Variants in ADGRE5 observed in about 807,000 individuals in gnomAD.
ADGRE5 encodes the protein CD97 molecule.
ADGRE5 carries 72 observed loss-of-function variants against 100.3 expected under a neutral mutation model. The ratio of observed to expected loss-of-function variants is 0.72; its 90% CI spans 0.59 to 0.87. The LOEUF (loss-of-function observed/expected upper bound fraction) is 0.87. Ranked by LOEUF, ADGRE5 falls within the 40% of genes least tolerant of loss-of-function variation. ADGRE5 has a pLI of 0.00. For synonymous variants in ADGRE5, 439 were observed against 447.8 expected, an observed-to-expected ratio of 0.98 and a Z score of 0.25; for missense variants, 959 against 1,094.7, an observed-to-expected ratio of 0.88 and a Z score of 1.75.
intron 1 of ADGRE5, among the ~76,000 whole-genome samples, chr19:14,382,712 T>A: frequency 7.7e-6 from 1 of 129,930 alleles, no homozygotes; most frequent in South Asian, 3.4e-4. Context: ...AAAACAAATT[T>A]TTTTTTTTTT....
intron 3 of ADGRE5, among the ~76,000 whole-genome samples, chr19:14,389,549 A>G (rs1376170006): frequency 2.0e-5 from 3 of 151,214 alleles, no homozygotes; most frequent in African/African-American, 4.9e-5. Context: ...CCTGGCCAAC[A>G]TGGTGAAACC....
intron 9 of ADGRE5, 107 bp downstream of exon 9, chr19:14,398,246 GAC>G: frequency 1.1e-6 from 1 of 949,402 alleles, no homozygotes; most frequent in East Asian, 2.5e-5. Flanking sequence ...TCTAGTCAGA[GAC>G]ACACATGCGC....
intron 12 of ADGRE5, among the ~76,000 whole-genome samples, chr19:14,404,028 C>A (rs1395908148): frequency 1.3e-5 from 2 of 151,994 alleles, no homozygotes; most frequent in Non-Finnish European, 2.9e-5. Context: ...CAGGTGCTTG[C>A]CACCAGGCCC....
intron 3 of ADGRE5, among the ~76,000 whole-genome samples, chr19:14,389,388 G>A (rs1975511165): frequency 1.2e-5 from 1 of 80,778 alleles, no homozygotes; most frequent in Non-Finnish European, 2.3e-5. Flanking sequence ...AAGGGGAGGG[G>A]GAGGCAGAGG....
chr19:14,385,762 C>A (rs112104775), intron 1 of ADGRE5, among the ~76,000 whole-genome samples: 5 of 151,526 alleles, frequency 3.3e-5, no homozygotes, highest in Non-Finnish European at 7.4e-5. Context: ...GGTGATCCAA[C>A]ACCGTCATTT....
In ADGRE5 at chr19:14,406,338, T is replaced by G. The variant is rs753188959; in HGVS notation, c.1829T>G (p.Leu610Arg). The change falls in exon 15 of 20, where the codon CTG becomes CGG. Residue 610 changes from leucine (L) to arginine (R), a missense_variant. Leu to Arg is a moderately radical substitution (Grantham distance 102, BLOSUM62 -2). Around this residue, in one of 6 missense-constraint regions of ADGRE5, gnomAD observed 428 missense variants for 386.2 expected, o/e 1.11. Coordinates refer to ENST00000242786, the MANE Select transcript of ADGRE5 (RefSeq NM_078481.4). This position sits in a 1 kb window ranked among gnomAD's most constrained non-coding sequence, Gnocchi z 6.0. ...TCCGTCCCCGCCCCGCAGGTGGGGC[T>G]GCGCTGCCGCCTGGTGGCCGGGCTG... is the stretch of plus-strand genomic sequence containing the variant. The part of the protein sequence containing the change: ...GIENEGGQVG[L>R]RCRLVAGLLH... 6.4e-7 allele frequency: 1 copy of G among 1,565,110 alleles called. No individual in the cohort carries two copies. Among genetic ancestry groups the G allele is most frequent in the African/African-American group, 1.4e-5 (1 of 73,886 alleles).
In ADGRE5 at chr19:14,388,788, A is replaced by T; in HGVS notation, c.160A>T (p.Ile54Phe). 1 of 1,613,650 alleles carries T rather than the reference A, an allele frequency of 6.2e-7. No homozygotes were observed. The highest frequency in any genetic ancestry group is 8.5e-7 in the Non-Finnish European group (1 of 1,179,872). The change falls in exon 3 of 20, where the codon ATC becomes TTC. Residue 54 changes from isoleucine to phenylalanine, a missense_variant. Physicochemically the swap from Ile to Phe is conservative, Grantham distance 21. This residue lies in a region of ADGRE5 where 114 missense variants were observed against 195.7 expected (regional missense o/e 0.58). Transcript: ENST00000242786. ...CNPGFSSFSE[I>F]ITTPTETCDD... is the part of the protein sequence containing the mutation. ...TCCAGGGTTCAGCTCTTTTTCTGAG[A>T]TCATCACCACCCCGACGGAGACTTG...
intron 17 of ADGRE5, 33 bp from the exon 18 acceptor site, chr19:14,407,028 T>C: frequency 1.2e-6 from 2 of 1,613,332 alleles, no homozygotes; most frequent in Non-Finnish European, 8.5e-7. Context: ...GGAGGTGAGG[T>C]GGGGGCCCAC....
Position 14,401,736 on chromosome 19 carries a change from G to T in ADGRE5, c.1159G>T (p.Val387Leu). Residue 387 changes from valine to leucine, a missense_variant, in exon 11 of 20, where the codon GTG becomes TTG. Physicochemically the swap from Val to Leu is conservative, Grantham distance 32. Transcript: ENST00000242786. This position sits in a 1 kb window ranked among gnomAD's most constrained non-coding sequence, Gnocchi z 4.1. ...CGCACGCATGAAGCTGAATTGGGCT[G>T]TGGCAGCTGGAGCCGAGGATCCAGG... is the stretch of plus-strand genomic sequence containing the variant. ...SSARMKLNWAVAAGAEDPGPA... is the reference protein window; with the variant it reads ...SSARMKLNWALAAGAEDPGPA... 6.4e-7 allele frequency: 1 copy of T among 1,561,462 alleles called. No homozygotes were observed. The highest frequency in any genetic ancestry group is 8.7e-7 in the Non-Finnish European group (1 of 1,155,078).
At chr19:14,383,047 T>G (rs1377228665) in intron 1 of ADGRE5, among the ~76,000 whole-genome samples, 1 of 152,046 alleles carries the variant, frequency 6.6e-6, no homozygotes, top group Admixed American at 6.6e-5. Flanking sequence ...AAAAAAATTT[T>G]TTTTAATTAG....
At position 14,406,455 on chromosome 19, in the gene ADGRE5, G is replaced by A; in HGVS notation, c.1946G>A (p.Gly649Asp). ...GTGGTGCGCGTGTTCCAAGGCCAGG[G>A]CCTGAGTACGCGCTGGCTCTGCCTG... ...FLVVRVFQGQ[G>D]LSTRWLCLIG... is the part of the protein sequence containing the mutation. The change falls in exon 15 of 20, where the codon GGC becomes GAC. Residue 649 changes from glycine to aspartate, a missense_variant. Coordinates refer to ENST00000242786, the MANE Select transcript of ADGRE5 (RefSeq NM_078481.4). The surrounding 1 kb of genome is among the most constrained non-coding windows in gnomAD (Gnocchi z 6.0). The A allele has an allele frequency of 6.4e-7, 1 of 1,573,618 alleles. No homozygotes were observed. Among genetic ancestry groups the A allele is most frequent in the Non-Finnish European group, 8.6e-7 (1 of 1,159,606 alleles).
chr19:14,401,176 G>T lies in ADGRE5; in HGVS notation c.898-210G>T, dbSNP rs541048649. On this transcript the variant is annotated intron_variant, in intron 9 of 19. Transcript: ENST00000242786. The surrounding 1 kb of genome is among the most constrained non-coding windows in gnomAD (Gnocchi z 4.1). ...CAAAACAGAGCCTGGCAGGCAGCCCGTGCCCAACCAGTGTTAAGCGCTGTG... is the reference window on the plus strand; with the variant it reads ...CAAAACAGAGCCTGGCAGGCAGCCCTTGCCCAACCAGTGTTAAGCGCTGTG... Among the ~76,000 whole-genome samples the T allele has an allele frequency of 5.4e-5, 8 of 147,486 alleles. No individual in the cohort carries two copies. Among genetic ancestry groups the T allele is most frequent in the African/African-American group, 2.2e-4 (8 of 37,204 alleles).
chr19:14,398,716 C>T (rs1361419210), intron 9 of ADGRE5, among the ~76,000 whole-genome samples: 2 of 149,348 alleles, frequency 1.3e-5, no homozygotes, highest in Non-Finnish European at 3.0e-5. Context: ...AGTTGGGCCA[C>T]AGAAGTTCAA....
intron 13 of ADGRE5, 104 bp downstream of exon 13, chr19:14,404,666 A>C: frequency 8.7e-7 from 1 of 1,149,844 alleles, no homozygotes; most frequent in Non-Finnish European, 1.2e-6. Context: ...GCTCAGATAT[A>C]TCTGCATGGT....
Position 14,402,767 on chromosome 19 carries a change from CACA to C in ADGRE5, c.1361_1363del (p.Asn454del), listed in dbSNP as rs756946777. 1.3e-5 allele frequency: 21 copies of C among 1,614,128 alleles called. No individual in the cohort carries two copies. Among genetic ancestry groups the C allele is most frequent in the South Asian group, 7.7e-5 (7 of 91,080 alleles). On this transcript the variant is annotated inframe_deletion, in exon 12 of 20. Coordinates refer to ENST00000242786, the MANE Select transcript of ADGRE5 (RefSeq NM_078481.4). ...TGCCGTCAACTCCATCTTTCTGAGC[CACA>C]ACAACACCAAGGAACTCAACTCCCC...
In ADGRE5 at chr19:14,407,894, G is replaced by A. The variant is rs1216439918; in HGVS notation, c.2377-14G>A. On this transcript the variant is annotated splice_polypyrimidine_tract_variant and intron_variant, in intron 18 of 19. Transcript: ENST00000242786. ...GGGCCTGCTCCTGCCCTGACTTGGTGTCTGGGCCGGCAGGTTCGGGAAGAA... is the reference window on the plus strand; with the variant it reads ...GGGCCTGCTCCTGCCCTGACTTGGTATCTGGGCCGGCAGGTTCGGGAAGAA... 2 of 1,612,956 alleles carry A rather than the reference G, an allele frequency of 1.2e-6. No individual in the cohort carries two copies. Among genetic ancestry groups the A allele is most frequent in the African/African-American group, 1.3e-5 (1 of 74,902 alleles).
chr19:14,404,592 C>G, intron 13 of ADGRE5, 30 bp downstream of exon 13: 1 of 1,601,154 alleles, frequency 6.2e-7, no homozygotes, highest in Non-Finnish European at 8.5e-7. Flanking sequence ...CTCAAGTGCC[C>G]ACAGGTAATG....
chr19:14,405,551 C>T lies in ADGRE5; in HGVS notation c.1630-197C>T, dbSNP rs565061201. The stretch of plus-strand genomic sequence containing the variant: ...AGAAGGGGGGCGCCTGTGGTCCAGG[C>T]CAAAGGCCCAGCAAGCACAAAAATG... On this transcript the variant is annotated intron_variant, in intron 13 of 19. Coordinates refer to ENST00000242786, the MANE Select transcript of ADGRE5 (RefSeq NM_078481.4). 10 of 547,934 alleles carry T rather than the reference C, an allele frequency of 1.8e-5. No homozygotes were observed. The South Asian group carries it at 2.6e-4, about 14-fold the overall frequency. 33.9% of individuals were successfully genotyped at this position (547,934 alleles called of 1,614,324 possible).
chr19:14,388,683 G>A lies in ADGRE5; in HGVS notation c.74-19G>A, dbSNP rs183595680. 1,099 of 1,611,852 alleles carry A rather than the reference G, an allele frequency of 6.8e-4. 9 individuals carry two copies. The African/African-American group carries it at 0.012, about 18-fold the overall frequency. ...TTCCCTTACCCCTCACCTTCTGACC[G>A]TGCTCCCTGCTCTTGCAGGCTGTGC... On this transcript the variant is annotated intron_variant, in intron 2 of 19. Transcript: ENST00000242786.
Sources: allele counts gnomAD v4.1 joint callset (sites outside exome capture counted in the v4.1 genomes callset), GRCh38; gene constraint gnomAD v4.1.1; regional missense constraint gnomAD v4.1.1; non-coding constraint Gnocchi (gnomAD v3.1); transcripts MANE v1.5; gene names NCBI Gene and HGNC (gene_info 2026-07-23, HGNC 2026-07-21).